Variants in ANKRD6 observed in about 807,000 individuals in gnomAD.
The protein encoded by ANKRD6 is ankyrin repeat domain 6.
ANKRD6 carries 56 observed loss-of-function variants against 82.3 expected under a neutral mutation model. The ratio of observed to expected loss-of-function variants is 0.68; its 90% confidence interval spans 0.55 to 0.85. The LOEUF is 0.85. Among genes scored for constraint, ANKRD6 ranks in the 40% least tolerant of loss-of-function variants. The pLI is 0.00. For missense variants in ANKRD6, 852 were observed against 907.6 expected, an observed-to-expected ratio of 0.94 and a Z score of 0.79; for synonymous variants, 347 against 352.1, an observed-to-expected ratio of 0.99 and a Z score of 0.16.
At chr6:89,600,763 C>T (rs534154774) in intron 3 of ANKRD6, among the ~76,000 whole-genome samples, 10 of 152,186 alleles carry the variant, frequency 6.6e-5, no homozygotes, top group East Asian at 3.9e-4. Flanking sequence ...GGGCCAGGCA[C>T]GGTGGCTCGC....
At chr6:89,474,326 T>C (rs960065251) in intron 1 of ANKRD6, among the ~76,000 whole-genome samples, 4 of 152,190 alleles carry the variant, frequency 2.6e-5, no homozygotes, top group African/African-American at 4.8e-5. Context: ...TCTCTGTAGC[T>C]GTCATTAGCT....
chr6:89,527,143 C>G (rs1486655681), intron 1 of ANKRD6, among the ~76,000 whole-genome samples: 1 of 152,152 alleles, frequency 6.6e-6, no homozygotes, highest in Non-Finnish European at 1.5e-5. Context: ...AGAGCAGGTT[C>G]AGTTTCAGAC....
intron 1 of ANKRD6, among the ~76,000 whole-genome samples, chr6:89,490,312 G>A (rs975122877): frequency 3.9e-5 from 6 of 152,212 alleles, no homozygotes; most frequent in Admixed American, 3.9e-4. Context: ...AGGGATTGTT[G>A]GGAGAATCCA....
chr6:89,548,392 C>A (rs988247646), intron 1 of ANKRD6, among the ~76,000 whole-genome samples: 1 of 152,182 alleles, frequency 6.6e-6, no homozygotes, highest in Non-Finnish European at 1.5e-5. Context: ...GAATAATATT[C>A]ATGGTGTGGC....
At chr6:89,484,472 A>G (rs180711029) in intron 1 of ANKRD6, among the ~76,000 whole-genome samples, 14 of 152,316 alleles carry the variant, frequency 9.2e-5, no homozygotes, top group Non-Finnish European at 1.3e-4. Flanking sequence ...TCTTGAAGTA[A>G]AAGGTTTTGT....
At chr6:89,552,314 C>A (rs1436486835) in intron 1 of ANKRD6, among the ~76,000 whole-genome samples, 1 of 152,202 alleles carries the variant, frequency 6.6e-6, no homozygotes, top group African/African-American at 2.4e-5. Flanking sequence ...TGCACATGCA[C>A]ATGGCTAATC....
At position 89,475,589 on chromosome 6, in the gene ANKRD6, A is replaced by G. The variant is rs951670835; in HGVS notation, c.-144+42214A>G. 2.0e-5 allele frequency among the ~76,000 whole-genome samples: 3 copies of G among 152,200 alleles called. No homozygotes were observed. In the East Asian group the frequency reaches 5.8e-4, roughly 29 times the overall value. The stretch of plus-strand genomic sequence containing the variant: ...AAATCATAACTGCATAGGTTTTTAA[A>G]TTTAGTAGTTATTCTAGATCTCTCT... On this transcript the variant is annotated intron_variant, in intron 1 of 15. Transcript: ENST00000339746.
intron 3 of ANKRD6, among the ~76,000 whole-genome samples, chr6:89,599,141 G>A (rs932768088): frequency 6.6e-6 from 1 of 152,164 alleles, no homozygotes; most frequent in African/African-American, 2.4e-5. Context: ...GCGTGGCTAT[G>A]GAGGAAGGAT....
At chr6:89,475,547 T>C (rs1388007105) in intron 1 of ANKRD6, among the ~76,000 whole-genome samples, 2 of 152,106 alleles carry the variant, frequency 1.3e-5, no homozygotes, top group Non-Finnish European at 2.9e-5. Flanking sequence ...TCAAAGAAAA[T>C]AGAAAAACTG....
At chr6:89,530,759 A>G (rs1359053961) in intron 1 of ANKRD6, among the ~76,000 whole-genome samples, 1 of 152,216 alleles carries the variant, frequency 6.6e-6, no homozygotes, top group Non-Finnish European at 1.5e-5. Context: ...TCCGGGAGAA[A>G]TGGAGAACTG....
chr6:89,603,031 G>A lies in ANKRD6; in HGVS notation c.222G>A (p.Gly74=), dbSNP rs1797596638. The change falls in exon 4 of 16, where the codon GGG becomes GGA. Residue 74 remains glycine (G), a splice_region_variant and synonymous_variant. Transcript: ENST00000339746. ...AGCDLDVQDD[G]DQTALHRATV... is the part of the protein sequence containing the mutation. ...CCTGCCTTTGTGTCACTTTGCAGGG[G>A]GACCAGACCGCCTTGCACCGGGCCA... The A allele has an allele frequency of 6.2e-7, 1 of 1,601,560 alleles. No individual in the cohort carries two copies.
At chr6:89,565,776 G>A (rs1054831355) in intron 1 of ANKRD6, among the ~76,000 whole-genome samples, 2 of 149,968 alleles carry the variant, frequency 1.3e-5, no homozygotes, top group Admixed American at 1.3e-4. Flanking sequence ...TTGAAGGATG[G>A]TATCTCTGTT....
At chr6:89,598,210 A>G in intron 3 of ANKRD6, 1 of 985,334 alleles carries the variant, frequency 1.0e-6, no homozygotes. Context: ...AGATTATGCA[A>G]CTCCAGGAGC....
intron 2 of ANKRD6, among the ~76,000 whole-genome samples, chr6:89,594,491 C>T (rs960493081): frequency 1.3e-5 from 2 of 151,662 alleles, no homozygotes; most frequent in Admixed American, 1.3e-4. Context: ...ACAAGCAACA[C>T]AATGTTTATA....
At chr6:89,476,697 G>A (rs1247009360) in intron 1 of ANKRD6, among the ~76,000 whole-genome samples, 5 of 152,186 alleles carry the variant, frequency 3.3e-5, no homozygotes, top group Non-Finnish European at 1.5e-5. Flanking sequence ...GGTTATAAAA[G>A]TAATACAGTG....
chr6:89,570,835 A>G (rs139160923), intron 2 of ANKRD6, among the ~76,000 whole-genome samples: 4 of 152,274 alleles, frequency 2.6e-5, no homozygotes, highest in African/African-American at 9.6e-5. Flanking sequence ...CCTGTTGTGA[A>G]TATTGCTGTA....
Position 89,566,947 on chromosome 6 carries a change from G to A in ANKRD6, c.-30G>A, listed in dbSNP as rs373857234. The A allele has an allele frequency of 9.0e-6, 14 of 1,557,230 alleles. No individual in the cohort carries two copies. Among genetic ancestry groups the A allele is most frequent in the South Asian group, 2.4e-5 (2 of 84,408 alleles). On this transcript the variant is annotated 5_prime_UTR_variant, in exon 2 of 16. Coordinates refer to ENST00000339746, the MANE Select transcript of ANKRD6 (RefSeq NM_001242809.2). ...GTTGAGCTGAAGGAACTTGTCTACCGCTTCCCTGAAAACCTTTCTTTCCTA... is the reference window on the plus strand; with the variant it reads ...GTTGAGCTGAAGGAACTTGTCTACCACTTCCCTGAAAACCTTTCTTTCCTA...
chr6:89,571,243 T>G (rs909300474), intron 2 of ANKRD6, among the ~76,000 whole-genome samples: 1 of 151,964 alleles, frequency 6.6e-6, no homozygotes, highest in Non-Finnish European at 1.5e-5. Flanking sequence ...TTAGTAGAGA[T>G]AAGGTTTCAC....
intron 13 of ANKRD6, among the ~76,000 whole-genome samples, chr6:89,625,650 A>G (rs902980670): frequency 2.6e-5 from 4 of 152,100 alleles, no homozygotes; most frequent in South Asian, 2.1e-4. Context: ...TTTCAACTTC[A>G]TAACAATATT....
Sources: gnomAD v4.1 joint callset for allele counts (sites outside exome capture counted in the v4.1 genomes callset) on GRCh38, gnomAD v4.1.1 for gene constraint, MANE v1.5 for transcripts, NCBI Gene and HGNC (gene_info 2026-07-23, HGNC 2026-07-21) for gene names.